The following CDH20 variants were observed in gnomAD, a reference collection of about 807,000 sequenced individuals.
CDH20 encodes cadherin 20.
CDH20 carries 29 observed loss-of-function variants against 74.2 expected under a neutral mutation model. The observed-to-expected ratio is 0.39, with a 90% confidence interval of 0.29 to 0.53. The LOEUF is 0.53. Among genes scored for constraint, CDH20 ranks in the 20% least tolerant of loss-of-function variants. The pLI is 0.69. For missense variants in CDH20, 988 were observed against 1,048.3 expected (o/e 0.94, Z 0.79); for synonymous variants, 469 against 405.4 (o/e 1.16, Z -1.88).
intron 1 of CDH20, among the ~76,000 whole-genome samples, chr18:61,396,549 C>T (rs1219290541): frequency 6.6e-6 from 1 of 152,130 alleles, no homozygotes; most frequent in Non-Finnish European, 1.5e-5. Context: ...TGTTAGACAG[C>T]TCTCCCACAG....
At chr18:61,538,913 T>A (rs1912928364) in intron 8 of CDH20, 111 bp from the exon 9 acceptor site, 1 of 1,232,322 alleles carries the variant, frequency 8.1e-7, no homozygotes, top group Non-Finnish European at 1.2e-6. Context: ...ATTACAGGCG[T>A]GAGCCACTGC....
At chr18:61,340,827 T>C (rs546744784) in intron 1 of CDH20, among the ~76,000 whole-genome samples, 1 of 152,228 alleles carries the variant, frequency 6.6e-6, no homozygotes, top group Non-Finnish European at 1.5e-5. Flanking sequence ...GCAATTTAAT[T>C]AAAAATTGGA....
chr18:61,499,514 C>T (rs1911286149), intron 3 of CDH20, 34 bp downstream of exon 3: 3 of 1,494,764 alleles, frequency 2.0e-6, no homozygotes, highest in African/African-American at 1.5e-5. Context: ...TCACAAATAG[C>T]ACCTCCTATA....
chr18:61,365,907 A>G (rs1910840148), intron 1 of CDH20, among the ~76,000 whole-genome samples: 1 of 152,160 alleles, frequency 6.6e-6, no homozygotes, highest in Admixed American at 6.5e-5. Context: ...TAGGTGTTTA[A>G]TATTTCTAAA....
intron 1 of CDH20, among the ~76,000 whole-genome samples, chr18:61,439,758 T>C (rs1029457307): frequency 5.3e-5 from 8 of 152,096 alleles, no homozygotes; most frequent in Admixed American, 5.2e-4. Flanking sequence ...TCACTAAATA[T>C]GGGGTAGATA....
At chr18:61,365,250 G>A (rs1910819976) in intron 1 of CDH20, among the ~76,000 whole-genome samples, 1 of 152,158 alleles carries the variant, frequency 6.6e-6, no homozygotes, top group Non-Finnish European at 1.5e-5. Flanking sequence ...CCCTCCATGA[G>A]GAATGAAAGA....
At chr18:61,432,264 A>AAC (rs397966229) in intron 1 of CDH20, among the ~76,000 whole-genome samples, 1 of 149,470 alleles carries the variant, frequency 6.7e-6, no homozygotes, top group African/African-American at 2.5e-5. Flanking sequence ...AAAAAAAAAA[A>AAC]CACAAAGATT....
At chr18:61,426,563 A>G (rs1913077722) in intron 1 of CDH20, among the ~76,000 whole-genome samples, 1 of 152,150 alleles carries the variant, frequency 6.6e-6, no homozygotes. Context: ...CTGCAGCCTT[A>G]CAGTTAAATC....
chr18:61,383,990 C>A (rs1026266706), intron 1 of CDH20, among the ~76,000 whole-genome samples: 3 of 152,128 alleles, frequency 2.0e-5, no homozygotes, highest in Non-Finnish European at 4.4e-5. Flanking sequence ...ACCATGCACA[C>A]AAGTGTGTCA....
chr18:61,516,326 T>G (rs1912003155), intron 6 of CDH20, among the ~76,000 whole-genome samples: 2 of 152,208 alleles, frequency 1.3e-5, no homozygotes, highest in African/African-American at 4.8e-5. Flanking sequence ...TGCTAGGCAG[T>G]GGGGAATAAA....
At chr18:61,497,099 A>AAAAG (rs201120857) in intron 2 of CDH20, among the ~76,000 whole-genome samples, 3 of 139,692 alleles carry the variant, frequency 2.1e-5, no homozygotes, top group African/African-American at 7.8e-5. Flanking sequence ...GTAAAAAAAA[A>AAAAG]AAAGAAAGAA....
At chr18:61,405,637 T>C (rs1285890955) in intron 1 of CDH20, among the ~76,000 whole-genome samples, 1 of 152,106 alleles carries the variant, frequency 6.6e-6, no homozygotes, top group Non-Finnish European at 1.5e-5. Flanking sequence ...ACAAATTCCA[T>C]CAGGTTCTTC....
chr18:61,402,014 G>C, intron 1 of CDH20, among the ~76,000 whole-genome samples: 1 of 152,206 alleles, frequency 6.6e-6, no homozygotes, highest in East Asian at 1.9e-4. Flanking sequence ...ATTGACCAAA[G>C]GTTGGTTTGT....
chr18:61,377,427 C>T (rs1329825469), intron 1 of CDH20, among the ~76,000 whole-genome samples: 1 of 151,808 alleles, frequency 6.6e-6, no homozygotes, highest in African/African-American at 2.4e-5. Flanking sequence ...GTTTCCATTA[C>T]TTGTATCTTG....
At chr18:61,341,539 C>T (rs1198250531) in intron 1 of CDH20, among the ~76,000 whole-genome samples, 1 of 152,052 alleles carries the variant, frequency 6.6e-6, no homozygotes, top group Non-Finnish European at 1.5e-5. Flanking sequence ...ATGCAAGAAA[C>T]AATACAGTTT....
chr18:61,458,479 T>G (rs1047499961), intron 1 of CDH20, among the ~76,000 whole-genome samples: 1 of 152,162 alleles, frequency 6.6e-6, no homozygotes, highest in Non-Finnish European at 1.5e-5. Flanking sequence ...GCCCTCTCCC[T>G]TCCAGAGCCA....
chr18:61,347,309 TATATATATATACACACAC>T (rs1196094145), intron 1 of CDH20, among the ~76,000 whole-genome samples: 3 of 89,880 alleles, frequency 3.3e-5, no homozygotes, highest in African/African-American at 5.4e-5. Flanking sequence ...TATATATATA[TATATATATATACACACAC>T]ACACACACAC....
chr18:61,444,994 G>C (rs895530321), intron 1 of CDH20, among the ~76,000 whole-genome samples: 1 of 151,956 alleles, frequency 6.6e-6, no homozygotes, highest in Non-Finnish European at 1.5e-5. Context: ...TCATTCAAAA[G>C]TTTCTTCTTT....
At chr18:61,398,349 T>A (rs1912053055) in intron 1 of CDH20, among the ~76,000 whole-genome samples, 1 of 152,108 alleles carries the variant, frequency 6.6e-6, no homozygotes, top group Non-Finnish European at 1.5e-5. Flanking sequence ...CTGAAAAGAG[T>A]AGTATCAATT....
Sources: allele counts gnomAD v4.1 joint callset (sites outside exome capture counted in the v4.1 genomes callset), GRCh38; gene constraint gnomAD v4.1.1; transcripts MANE v1.5; gene names NCBI Gene and HGNC (gene_info 2026-07-23, HGNC 2026-07-21).